Variants in ZFHX3 observed in about 807,000 individuals in gnomAD.
ZFHX3 encodes the protein zinc finger homeobox 3.
A neutral mutation model predicts 279.1 loss-of-function variants in ZFHX3; 42 were observed. The observed-to-expected ratio is 0.15, with a 90% CI of 0.12 to 0.19. ZFHX3 has a LOEUF of 0.19. ZFHX3 is among the 10% of genes least tolerant of loss of function. ZFHX3 has a pLI of 1.00. For missense variants in ZFHX3, 4,981 were observed against 4,754.0 expected (o/e 1.05, Z -1.40); for synonymous variants, 2,293 against 1,957.8 (o/e 1.17, Z -4.52).
chr16:72,962,801 C>T (rs920517597), intron 1 of ZFHX3, among the ~76,000 whole-genome samples: 2 of 152,070 alleles, frequency 1.3e-5, no homozygotes, highest in African/African-American at 4.8e-5. Flanking sequence ...TCCTTGGTAC[C>T]TGTATTGCTA....
intron 3 of ZFHX3, among the ~76,000 whole-genome samples, chr16:72,948,066 C>A (rs1960790448): frequency 6.6e-6 from 1 of 152,196 alleles, no homozygotes; most frequent in Non-Finnish European, 1.5e-5. Context: ...GACCAAAGGG[C>A]TGAGGGCGAG....
chr16:73,604,883 A>G (rs2143869322), intron 2 of ZFHX3, among the ~76,000 whole-genome samples: 1 of 152,188 alleles, frequency 6.6e-6, no homozygotes, highest in Non-Finnish European at 1.5e-5. Flanking sequence ...CTTTTTTTCA[A>G]TCTCTACTGG....
At chr16:73,857,571 A>G (rs1473890066) in intron 1 of ZFHX3, among the ~76,000 whole-genome samples, 3 of 152,170 alleles carry the variant, frequency 2.0e-5, no homozygotes, top group African/African-American at 7.2e-5. Flanking sequence ...GGTTTGTTCT[A>G]CACTGAAGTC....
chr16:73,386,758 A>AAAG (rs1239756492), intron 3 of ZFHX3: 1 of 151,818 alleles, frequency 6.6e-6, no homozygotes, highest in African/African-American at 2.4e-5. Flanking sequence ...AAGCAAAAAA[A>AAAG]AAAAAGATTC....
chr16:73,097,843 G>A (rs994056648), intron 7 of ZFHX3, among the ~76,000 whole-genome samples: 1 of 152,114 alleles, frequency 6.6e-6, no homozygotes, highest in Non-Finnish European at 1.5e-5. Context: ...TTGTCCCTTT[G>A]TATCTGGCTT....
At chr16:73,758,900 A>T (rs1175659499) in intron 1 of ZFHX3, among the ~76,000 whole-genome samples, 1 of 152,232 alleles carries the variant, frequency 6.6e-6, no homozygotes, top group Non-Finnish European at 1.5e-5. Context: ...AGTATGCTGT[A>T]AGGCAGATAC....
chr16:72,900,738 G>C (rs2039014386), intron 3 of ZFHX3, among the ~76,000 whole-genome samples: 1 of 152,192 alleles, frequency 6.6e-6, no homozygotes, highest in African/African-American at 2.4e-5. Context: ...TTCTGATTCA[G>C]AGGGTCTGGA....
chr16:73,503,621 G>C (rs2019275713), intron 2 of ZFHX3, among the ~76,000 whole-genome samples: 1 of 152,168 alleles, frequency 6.6e-6, no homozygotes, highest in African/African-American at 2.4e-5. Context: ...TTACCTGGAG[G>C]CATGATTTCC....
chr16:73,699,421 T>C (rs1314007132), intron 1 of ZFHX3, among the ~76,000 whole-genome samples: 2 of 152,228 alleles, frequency 1.3e-5, no homozygotes, highest in African/African-American at 4.8e-5. Flanking sequence ...GTCTCAGTCA[T>C]GTCCCCAGTG....
rs536395346 is a variant in ZFHX3, at chr16:72,897,125, G to C, written c.3217-7163C>G. 7.7e-4 allele frequency among the ~76,000 whole-genome samples: 118 copies of C among 152,316 alleles called. 1 individual carries two copies. Among genetic ancestry groups the C allele is most frequent in the African/African-American group, 2.8e-3 (118 of 41,584 alleles). On this transcript the variant is annotated intron_variant, in intron 3 of 9. Transcript: ENST00000268489. ...GAGACACCTGTCAGGCCAAAGGCAG[G>C]CAGGAGAGCCTGTCTGTAACTCTTC... is the stretch of plus-strand genomic sequence containing the variant.
intron 6 of ZFHX3, 22 bp downstream of exon 6, chr16:72,811,883 G>C (rs1172294105): frequency 1.3e-6 from 2 of 1,490,400 alleles, no homozygotes; most frequent in South Asian, 1.1e-5. Flanking sequence ...CTCCCCACCA[G>C]CAGAGTCCCT....
chr16:73,601,861 G>GA (rs1174786408), intron 2 of ZFHX3, among the ~76,000 whole-genome samples: 2 of 152,104 alleles, frequency 1.3e-5, no homozygotes, highest in Admixed American at 1.3e-4. Context: ...GGAAATGCTG[G>GA]AAAAAAACAT....
At chr16:73,435,852 C>G (rs1031893312) in intron 3 of ZFHX3, among the ~76,000 whole-genome samples, 1 of 152,174 alleles carries the variant, frequency 6.6e-6, no homozygotes, top group Admixed American at 6.5e-5. Context: ...CTGCTGAAGC[C>G]TGGGCGGCCT....
chr16:73,610,457 C>T (rs2052233939), intron 2 of ZFHX3, among the ~76,000 whole-genome samples: 1 of 152,152 alleles, frequency 6.6e-6, no homozygotes, highest in South Asian at 2.1e-4. Context: ...TCCCCCTCTG[C>T]TTCATACATT....
intron 3 of ZFHX3, among the ~76,000 whole-genome samples, chr16:73,422,297 GCATATC>G (rs1597329552): frequency 6.6e-6 from 1 of 151,530 alleles, no homozygotes; most frequent in African/African-American, 2.4e-5. Context: ...AATGGCTCCA[GCATATC>G]CTAAACATCC....
Position 73,388,537 on chromosome 16 carries a change from C to T in ZFHX3, c.-1291+67466G>A, listed in dbSNP as rs146005263. On this transcript the variant is annotated intron_variant, in intron 3 of 17. Coordinates refer to the ZFHX3 transcript ENST00000641206. ...GTTTAAAATGACCCCCTCACCACCA[C>T]GGGTAAGTTGCCAGGGGATTGGAGG... Among the ~76,000 whole-genome samples, 93 of 152,290 alleles carry T rather than the reference C, an allele frequency of 6.1e-4. No homozygotes were observed. The East Asian group carries it at 0.014, about 23-fold the overall frequency.
At chr16:73,644,354 C>T (rs1236739348) in intron 2 of ZFHX3, among the ~76,000 whole-genome samples, 5 of 152,004 alleles carry the variant, frequency 3.3e-5, no homozygotes, top group African/African-American at 1.2e-4. Context: ...TCTAACCACC[C>T]ACCGGTTGAA....
intron 1 of ZFHX3, among the ~76,000 whole-genome samples, chr16:73,702,925 C>T (rs1394557233): frequency 6.6e-6 from 1 of 152,142 alleles, no homozygotes; most frequent in Non-Finnish European, 1.5e-5. Flanking sequence ...AACCTCATAA[C>T]TACCTAATGG....
chr16:72,799,942 A>T (rs772872096), intron 8 of ZFHX3, 85 bp downstream of exon 8: 15 of 1,260,902 alleles, frequency 1.2e-5, no homozygotes, highest in Non-Finnish European at 1.3e-5. Flanking sequence ...GAGTATTGTA[A>T]AGAATTCCTG....
Sources: allele counts gnomAD v4.1 joint callset (sites outside exome capture counted in the v4.1 genomes callset), GRCh38; gene constraint gnomAD v4.1.1; transcripts MANE v1.5; gene names NCBI Gene and HGNC (gene_info 2026-07-23, HGNC 2026-07-21).